Variants in MGAT4C observed in about 807,000 individuals in gnomAD.
MGAT4C encodes alpha-1,3-mannosyl-glycoprotein 4-beta-N-acetylglucosaminyltransferase C.
MGAT4C carries 19 observed loss-of-function variants against 40.1 expected under a neutral mutation model. The ratio of observed to expected loss-of-function variants is 0.47; its 90% CI spans 0.33 to 0.70. The LOEUF (loss-of-function observed/expected upper bound fraction) is 0.70, where lower values mean the gene tolerates loss of function less well. MGAT4C is among the 30% of genes least tolerant of loss of function. The pLI is 0.02. For missense variants in MGAT4C, 491 were observed against 563.2 expected (o/e 0.87, Z 1.30); for synonymous variants, 181 against 187.1 (o/e 0.97, Z 0.27).
chr12:86,211,669 C>T (rs1186087985), intron 1 of MGAT4C, among the ~76,000 whole-genome samples: 1 of 152,070 alleles, frequency 6.6e-6, no homozygotes, highest in East Asian at 1.9e-4. Flanking sequence ...TCAACACTGT[C>T]TTAAGTTGGT....
At chr12:86,612,795 A>C (rs1301359251) in intron 2 of MGAT4C, among the ~76,000 whole-genome samples, 1 of 151,886 alleles carries the variant, frequency 6.6e-6, no homozygotes, top group Non-Finnish European at 1.5e-5. Flanking sequence ...CACCAAATTA[A>C]GCTGTTTTTC....
intron 1 of MGAT4C, among the ~76,000 whole-genome samples, chr12:86,754,930 T>G (rs1025497056): frequency 6.6e-6 from 1 of 152,138 alleles, no homozygotes; most frequent in African/African-American, 2.4e-5. Flanking sequence ...AGACTTTAGT[T>G]TTTAATTCAT....
chr12:85,984,230 A>G (rs571392821), intron 3 of MGAT4C, among the ~76,000 whole-genome samples: 3 of 152,344 alleles, frequency 2.0e-5, no homozygotes, highest in South Asian at 4.1e-4. Context: ...TGTGGCTACT[A>G]TCTAGCTGTT....
intron 2 of MGAT4C, among the ~76,000 whole-genome samples, chr12:86,538,820 G>A (rs902144861): frequency 6.6e-6 from 1 of 151,814 alleles, no homozygotes; most frequent in African/African-American, 2.4e-5. Context: ...TGTTAGCCAG[G>A]ATGGTCTCGA....
intron 3 of MGAT4C, among the ~76,000 whole-genome samples, chr12:86,390,681 CT>C (rs1231850362): frequency 5.3e-5 from 8 of 152,094 alleles, no homozygotes; most frequent in Admixed American, 2.6e-4. Context: ...CAAATAAAGA[CT>C]TTTGAAAAAA....
intron 2 of MGAT4C, among the ~76,000 whole-genome samples, chr12:86,669,039 T>G (rs1215068425): frequency 6.6e-6 from 1 of 152,156 alleles, no homozygotes; most frequent in Non-Finnish European, 1.5e-5. Flanking sequence ...GAGCACTTGC[T>G]TGCCCGGACC....
intron 2 of MGAT4C, among the ~76,000 whole-genome samples, chr12:86,585,145 T>C (rs962231044): frequency 6.6e-6 from 1 of 151,448 alleles, no homozygotes; most frequent in African/African-American, 2.4e-5. Context: ...TATTCCTTTA[T>C]GTTATACTTA....
chr12:86,116,509 C>T (rs1362778537), intron 1 of MGAT4C, among the ~76,000 whole-genome samples: 1 of 151,880 alleles, frequency 6.6e-6, no homozygotes, highest in East Asian at 1.9e-4. Flanking sequence ...AGTAATTATT[C>T]ACTTTGCCTC....
chr12:86,435,015 T>G (rs1481078570), intron 3 of MGAT4C: 2 of 151,906 alleles, frequency 1.3e-5, no homozygotes, highest in Non-Finnish European at 2.9e-5. Context: ...GCACAAAGCA[T>G]AGTGAAAAAA....
At chr12:86,765,905 G>A (rs1247472616) in intron 1 of MGAT4C, among the ~76,000 whole-genome samples, 1 of 152,152 alleles carries the variant, frequency 6.6e-6, no homozygotes, top group Non-Finnish European at 1.5e-5. Flanking sequence ...ACCAGCTGCT[G>A]CAAAATCATG....
At chr12:86,753,492 T>C (rs1225990176) in intron 1 of MGAT4C, among the ~76,000 whole-genome samples, 1 of 152,106 alleles carries the variant, frequency 6.6e-6, no homozygotes, top group Non-Finnish European at 1.5e-5. Context: ...GTAAGACCCC[T>C]GATTTCCCAC....
chr12:85,964,182 T>C lies in MGAT4C; in HGVS notation c.*15107A>G, dbSNP rs1378523484. ...AAACACCAATGATTAGATTATGTTATAAAGACACTATGAAGAGATACTAAA... is the reference window on the plus strand; with the variant it reads ...AAACACCAATGATTAGATTATGTTACAAAGACACTATGAAGAGATACTAAA... On this transcript the variant is annotated 3_prime_UTR_variant, in exon 5 of 5. Coordinates refer to ENST00000611864, the MANE Select transcript of MGAT4C (RefSeq NM_001351288.2). 6.6e-6 allele frequency: 1 copy of C among 152,132 alleles called. No individual in the cohort carries two copies. The highest frequency in any genetic ancestry group is 1.5e-5 in the Non-Finnish European group (1 of 67,966). The allele number at this position is 152,132 out of a possible 1,614,324, so 9.4% of individuals were successfully genotyped here. A position where few individuals can be genotyped will look rare whatever the true frequency, so the allele number is the denominator to read the frequency against.
chr12:86,671,842 A>T lies in MGAT4C; in HGVS notation c.-229+55367T>A, dbSNP rs190617291. ...AGATAAAGAGCTAAATCTCAATACA[A>T]TAAAAGCAGGAGACTTTAACATCCC... On this transcript the variant is annotated intron_variant, in intron 2 of 7. Transcript: ENST00000548651. Among the ~76,000 whole-genome samples the T allele has an allele frequency of 1.7e-3, 256 of 152,324 alleles. 1 individual carries two copies. Among genetic ancestry groups the T allele is most frequent in the Middle Eastern group, 6.8e-3 (2 of 294 alleles).
intron 3 of MGAT4C, among the ~76,000 whole-genome samples, chr12:86,344,449 A>G (rs1279662871): frequency 6.6e-6 from 1 of 152,198 alleles, no homozygotes; most frequent in Admixed American, 6.5e-5. Flanking sequence ...GGGCCAAAAG[A>G]AACATGAACT....
chr12:86,607,506 T>G (rs1341885118), intron 2 of MGAT4C, among the ~76,000 whole-genome samples: 4 of 152,114 alleles, frequency 2.6e-5, no homozygotes, highest in Non-Finnish European at 5.9e-5. Flanking sequence ...ATAACAAAAT[T>G]TTTACTAACA....
chr12:86,538,141 C>G (rs563764665), intron 2 of MGAT4C, among the ~76,000 whole-genome samples: 2 of 151,826 alleles, frequency 1.3e-5, no homozygotes, highest in Admixed American at 6.6e-5. Flanking sequence ...TATTTGAAAG[C>G]CTAATTTTTA....
intron 4 of MGAT4C, among the ~76,000 whole-genome samples, chr12:86,273,159 G>A (rs1381512583): frequency 6.6e-6 from 1 of 152,146 alleles, no homozygotes; most frequent in African/African-American, 2.4e-5. Flanking sequence ...CCTGGATGTA[G>A]CATGGATGTT....
chr12:86,730,859 C>G (rs1057250492), intron 1 of MGAT4C, among the ~76,000 whole-genome samples: 4 of 152,068 alleles, frequency 2.6e-5, no homozygotes, highest in African/African-American at 9.7e-5. Context: ...CTATTAACAA[C>G]TATTGTTATA....
At chr12:86,648,883 T>G (rs1375247752) in intron 2 of MGAT4C, among the ~76,000 whole-genome samples, 1 of 151,920 alleles carries the variant, frequency 6.6e-6, no homozygotes, top group Non-Finnish European at 1.5e-5. Context: ...TAATACTAAT[T>G]TCTTGTGTTT....
Sources: allele counts gnomAD v4.1 joint callset (sites outside exome capture counted in the v4.1 genomes callset), GRCh38; gene constraint gnomAD v4.1.1; transcripts MANE v1.5; gene names NCBI Gene and HGNC (gene_info 2026-07-23, HGNC 2026-07-21).